Variants in CALN1 observed in about 807,000 individuals in gnomAD.
CALN1 encodes the protein calneuron 1.
In CALN1, 17 loss-of-function variants were observed where a neutral mutation model predicts 30.6. The observed-to-expected ratio is 0.56, with a 90% confidence interval of 0.38 to 0.83. The LOEUF is 0.83. Ranked by LOEUF, CALN1 falls within the 40% of genes least tolerant of loss-of-function variation. CALN1 has a pLI of 0.00. For missense variants in CALN1, 291 were observed against 354.9 expected, an observed-to-expected ratio of 0.82 and a Z score of 1.45; for synonymous variants, 156 against 131.4, an observed-to-expected ratio of 1.19 and a Z score of -1.28.
intron 5 of CALN1, among the ~76,000 whole-genome samples, chr7:71,856,347 G>C (rs938936550): frequency 6.6e-6 from 1 of 151,968 alleles, no homozygotes. Flanking sequence ...GGAGTGCAGT[G>C]GTACAATTAC....
At chr7:72,101,097 G>T (rs1467031775) in intron 4 of CALN1, among the ~76,000 whole-genome samples, 1 of 151,890 alleles carries the variant, frequency 6.6e-6, no homozygotes. Context: ...CCGAGTAGCT[G>T]AGATTACAGG....
At chr7:72,144,193 G>A (rs1563094986) in intron 3 of CALN1, among the ~76,000 whole-genome samples, 1 of 151,220 alleles carries the variant, frequency 6.6e-6, no homozygotes, top group Non-Finnish European at 1.5e-5. Context: ...ATTGGATAAA[G>A]AGTCAAGACC....
chr7:72,303,325 A>G (rs978031823), intron 2 of CALN1, among the ~76,000 whole-genome samples: 1 of 152,098 alleles, frequency 6.6e-6, no homozygotes, highest in Non-Finnish European at 1.5e-5. Context: ...AAGAAACTGC[A>G]TACCAGGTGG....
chr7:72,487,909 AGAAAGAAAGAAGGAAG>A, the CALN1 span, among the ~76,000 whole-genome samples: 3 of 77,152 alleles, frequency 3.9e-5, no homozygotes, highest in East Asian at 8.3e-4. Flanking sequence ...AAAGAAAGAA[AGAAAGAAAGAAGGAAG>A]GAAGGAAGGA....
At chr7:71,917,862 A>G (rs890716912) in intron 5 of CALN1, among the ~76,000 whole-genome samples, 5 of 152,206 alleles carry the variant, frequency 3.3e-5, no homozygotes, top group African/African-American at 1.2e-4. Context: ...AAGTATGCAT[A>G]TATCAATCAT....
chr7:72,409,236 T>C (rs1806935155), intron 1 of CALN1, among the ~76,000 whole-genome samples: 1 of 151,698 alleles, frequency 6.6e-6, no homozygotes, highest in African/African-American at 2.4e-5. Flanking sequence ...CCTCATGATC[T>C]ACCCGCCTCG....
chr7:71,982,368 G>A (rs779523541), intron 5 of CALN1, among the ~76,000 whole-genome samples: 2 of 152,252 alleles, frequency 1.3e-5, no homozygotes, highest in Non-Finnish European at 2.9e-5. Flanking sequence ...GCGGAGGCAG[G>A]TGGATCACCT....
intron 3 of CALN1, among the ~76,000 whole-genome samples, chr7:72,243,808 A>T (rs1179130075): frequency 6.6e-6 from 1 of 152,204 alleles, no homozygotes; most frequent in Non-Finnish European, 1.5e-5. Context: ...TACCTAAGTG[A>T]ATTTCTCTAC....
chr7:72,302,530 T>C (rs1029415879), intron 2 of CALN1, among the ~76,000 whole-genome samples: 3 of 152,100 alleles, frequency 2.0e-5, no homozygotes, highest in Non-Finnish European at 4.4e-5. Context: ...CTCAGGCCCA[T>C]CATCCCAGTA....
At chr7:72,268,094 C>T (rs987124145) in intron 3 of CALN1, among the ~76,000 whole-genome samples, 1 of 152,150 alleles carries the variant, frequency 6.6e-6, no homozygotes, top group Non-Finnish European at 1.5e-5. Context: ...CCACATAAAA[C>T]ACTTTGAACA....
At chr7:71,886,004 C>T (rs1792880387) in intron 5 of CALN1, among the ~76,000 whole-genome samples, 1 of 152,202 alleles carries the variant, frequency 6.6e-6, no homozygotes, top group Admixed American at 6.5e-5. Flanking sequence ...AACATATCCA[C>T]CATTTTAACA....
At chr7:71,898,806 C>T (rs907037162) in intron 5 of CALN1, among the ~76,000 whole-genome samples, 2 of 152,120 alleles carry the variant, frequency 1.3e-5, no homozygotes, top group Admixed American at 1.3e-4. Flanking sequence ...AAATAGCATC[C>T]AGATAGAGAA....
At chr7:72,293,693 T>C (rs1377704512) in intron 2 of CALN1, among the ~76,000 whole-genome samples, 1 of 152,204 alleles carries the variant, frequency 6.6e-6, no homozygotes, top group African/African-American at 2.4e-5. Context: ...TCTATGTTGA[T>C]AGCAGAAAAA....
At chr7:72,012,002 G>C (rs1347613095) in intron 5 of CALN1, among the ~76,000 whole-genome samples, 1 of 151,976 alleles carries the variant, frequency 6.6e-6, no homozygotes, top group Non-Finnish European at 1.5e-5. Flanking sequence ...ATACCCTATG[G>C]GTTAAACACT....
At chr7:72,454,238 C>T in the CALN1 span, among the ~76,000 whole-genome samples, 1 of 152,084 alleles carries the variant, frequency 6.6e-6, no homozygotes, top group African/African-American at 2.4e-5. Context: ...ATAGAGGAGC[C>T]CCAGGCAGTG....
At chr7:72,017,309 G>A (rs1247847883) in intron 5 of CALN1, among the ~76,000 whole-genome samples, 2 of 152,036 alleles carry the variant, frequency 1.3e-5, no homozygotes, top group African/African-American at 2.4e-5. Context: ...AGTAGATGCA[G>A]GTATTTTACT....
At chr7:72,408,138 A>G (rs1259832428) in intron 1 of CALN1, among the ~76,000 whole-genome samples, 1 of 152,034 alleles carries the variant, frequency 6.6e-6, no homozygotes, top group African/African-American at 2.4e-5. Flanking sequence ...ATTGACGTTA[A>G]AAACAAACCG....
At chr7:72,436,699 C>T (rs1020713327) in intron 1 of CALN1, among the ~76,000 whole-genome samples, 3 of 152,120 alleles carry the variant, frequency 2.0e-5, no homozygotes, top group Non-Finnish European at 2.9e-5. Context: ...CCTGCCTGCT[C>T]TGGGCACACC....
At chr7:72,368,458 TTGTG>T (rs139339545) in intron 2 of CALN1, among the ~76,000 whole-genome samples, 1 of 152,016 alleles carries the variant, frequency 6.6e-6, no homozygotes, top group African/African-American at 2.4e-5. Flanking sequence ...TGGCTTCTTT[TTGTG>T]TGTATCATTC....
Sources: allele counts gnomAD v4.1 joint callset (sites outside exome capture counted in the v4.1 genomes callset), GRCh38; gene constraint gnomAD v4.1.1; transcripts MANE v1.5; gene names NCBI Gene and HGNC (gene_info 2026-07-23, HGNC 2026-07-21).